The following DIP2C variants were observed in gnomAD, a reference collection of about 807,000 sequenced individuals.
DIP2C encodes the protein disco-interacting protein 2 homolog C.
Under a neutral mutation model 192.4 loss-of-function variants are expected in DIP2C, and 33 were observed. The ratio of observed to expected loss-of-function variants is 0.17; its 90% confidence interval spans 0.13 to 0.23. DIP2C has a LOEUF of 0.23. DIP2C is among the 10% of genes least tolerant of loss of function. The pLI, the probability that DIP2C is intolerant of heterozygous loss-of-function variation, is 1.00. For synonymous variants in DIP2C, 979 were observed against 864.1 expected, an observed-to-expected ratio of 1.13 and a Z score of -2.33; for missense variants, 1,537 against 2,110.1, an observed-to-expected ratio of 0.73 and a Z score of 5.32.
intron 32 of DIP2C, among the ~76,000 whole-genome samples, chr10:290,077 G>A (rs901973437): frequency 1.3e-5 from 2 of 152,338 alleles, no homozygotes; most frequent in Admixed American, 6.5e-5. Context: ...TCTCCTCTGC[G>A]GGAGAACAGA....
chr10:328,190 G>A (rs199726158), intron 30 of DIP2C, among the ~76,000 whole-genome samples: 4 of 152,304 alleles, frequency 2.6e-5, no homozygotes, highest in Admixed American at 6.5e-5. Flanking sequence ...GTACAGACAC[G>A]ACTGTACACA....
In DIP2C at chr10:288,718, AG is replaced by A. The variant is rs546451756; in HGVS notation, c.3987-298del. 2.4e-3 allele frequency among the ~76,000 whole-genome samples: 363 copies of A among 152,342 alleles called. 2 individuals carry two copies. Among genetic ancestry groups the A allele is most frequent in the African/African-American group, 8.3e-3 (345 of 41,576 alleles). ...CACTTAGCATTTTCAGAAAAGGAAA[AG>A]AACACGGATTACAGAGTTTCCTTGA... On this transcript the variant is annotated intron_variant, in intron 32 of 36. Coordinates refer to ENST00000280886, the MANE Select transcript of DIP2C (RefSeq NM_014974.3).
chr10:608,798 C>T (rs1204329383), intron 1 of DIP2C, among the ~76,000 whole-genome samples: 1 of 138,172 alleles, frequency 7.2e-6, no homozygotes, highest in African/African-American at 3.2e-5. Context: ...GGGGGATAAA[C>T]CTCTCCTCCA....
chr10:526,524 C>A (rs1182391951), intron 1 of DIP2C, among the ~76,000 whole-genome samples: 1 of 50,120 alleles, frequency 2.0e-5, no homozygotes, highest in African/African-American at 4.5e-5. Flanking sequence ...ACCAGCCCTA[C>A]CCCACCAAAA....
intron 31 of DIP2C, among the ~76,000 whole-genome samples, chr10:312,231 A>G (rs900901046): frequency 6.6e-6 from 1 of 152,170 alleles, no homozygotes; most frequent in Non-Finnish European, 1.5e-5. Flanking sequence ...CTCGTCATCC[A>G]TGGCTGTGGT....
chr10:399,129 C>T lies in DIP2C; in HGVS notation c.1240G>A (p.Glu414Lys). ...LLAEVVPVPI[E>K]VPLTRKDAGS... ...CTTACCTTCCTGGTGAGCGGCACCTCGATGGGCACGGGGACCACCTCGGCC... is the reference window on the plus strand; with the variant it reads ...CTTACCTTCCTGGTGAGCGGCACCTTGATGGGCACGGGGACCACCTCGGCC... Residue 414 changes from glutamate to lysine, a missense_variant, in exon 10 of 37, where the codon GAG becomes AAG. Coordinates refer to ENST00000280886, the MANE Select transcript of DIP2C (RefSeq NM_014974.3). The T allele has an allele frequency of 1.9e-6, 3 of 1,613,738 alleles. No homozygotes were observed. The highest frequency in any genetic ancestry group is 2.5e-6 in the Non-Finnish European group (3 of 1,179,988).
chr10:310,084 T>A lies in DIP2C; in HGVS notation c.3933A>T (p.Ser1311=). 1 of 1,614,216 alleles carries A rather than the reference T, an allele frequency of 6.2e-7. No individual in the cohort carries two copies. Among genetic ancestry groups the A allele is most frequent in the Non-Finnish European group, 8.5e-7 (1 of 1,180,016 alleles). ...CGTAGACAGTGGTTGGGTCAGGTCC[T>A]GAGGTTCCCTGCAAGCAACAACAGA... ...VNLAICLQGT[S]GPDPTTVYVD... Residue 1311 remains serine, a synonymous_variant, in exon 32 of 37, where the codon TCA becomes TCT. Coordinates refer to ENST00000280886, the MANE Select transcript of DIP2C (RefSeq NM_014974.3).
chr10:440,833 C>G (rs1428343978), intron 4 of DIP2C, 38 bp downstream of exon 4: 8 of 1,591,878 alleles, frequency 5.0e-6, no homozygotes, highest in Non-Finnish European at 6.8e-6. Flanking sequence ...AGGTGCCCGG[C>G]ACATTCAGGA....
chr10:576,890 C>A, intron 1 of DIP2C, among the ~76,000 whole-genome samples: 1 of 152,116 alleles, frequency 6.6e-6, no homozygotes, highest in East Asian at 1.9e-4. Flanking sequence ...ACCCTTCCAG[C>A]CTGGGTGACA....
At chr10:378,225 A>T (rs1961865539) in intron 17 of DIP2C, among the ~76,000 whole-genome samples, 2 of 152,244 alleles carry the variant, frequency 1.3e-5, no homozygotes, top group Admixed American at 1.3e-4. Flanking sequence ...AAGAGAAAAA[A>T]ATACTTTAAA....
chr10:327,398 T>A (rs1365392070), intron 30 of DIP2C, among the ~76,000 whole-genome samples: 1 of 152,116 alleles, frequency 6.6e-6, no homozygotes, highest in African/African-American at 2.4e-5. Flanking sequence ...TACAAACACG[T>A]CTCAAACAAC....
intron 17 of DIP2C, among the ~76,000 whole-genome samples, chr10:378,982 ACT>A (rs576618597): frequency 6.6e-6 from 1 of 152,126 alleles, no homozygotes; most frequent in South Asian, 2.1e-4. Context: ...GTTTTTAAAG[ACT>A]CTCAACCTCC....
At chr10:640,256 G>A (rs891405812) in intron 1 of DIP2C, among the ~76,000 whole-genome samples, 6 of 152,342 alleles carry the variant, frequency 3.9e-5, no homozygotes, top group South Asian at 2.1e-4. Context: ...CGGCCGCCCC[G>A]CCCACGGCCA....
At chr10:507,261 C>G (rs746531190) in intron 1 of DIP2C, among the ~76,000 whole-genome samples, 12 of 150,674 alleles carry the variant, frequency 8.0e-5, no homozygotes, top group Non-Finnish European at 1.6e-4. Flanking sequence ...CCTGGTCACC[C>G]GCTGTGTCCA....
At chr10:584,029 T>C (rs1347030608) in intron 1 of DIP2C, among the ~76,000 whole-genome samples, 1 of 152,172 alleles carries the variant, frequency 6.6e-6, no homozygotes, top group African/African-American at 2.4e-5. Flanking sequence ...CCTCTGTCCC[T>C]TGGTGTCTGT....
chr10:337,961 TGTGTGTGC>T (rs984415185), intron 29 of DIP2C, among the ~76,000 whole-genome samples: 4 of 148,528 alleles, frequency 2.7e-5, no homozygotes, highest in African/African-American at 7.5e-5. Flanking sequence ...CAGTCGTGTG[TGTGTGTGC>T]GTGTGTGTGT....
intron 2 of DIP2C, among the ~76,000 whole-genome samples, chr10:484,491 G>C (rs1410357755): frequency 6.6e-6 from 1 of 152,192 alleles, no homozygotes; most frequent in Non-Finnish European, 1.5e-5. Flanking sequence ...TTTATAATTT[G>C]TCACGCATTC....
At chr10:517,290 C>CT (rs1184230967) in intron 1 of DIP2C, among the ~76,000 whole-genome samples, 1 of 152,216 alleles carries the variant, frequency 6.6e-6, no homozygotes, top group Non-Finnish European at 1.5e-5. Context: ...CAAAAGCACA[C>CT]TTCCAGTTAA....
chr10:496,778 C>A (rs1010872659), intron 1 of DIP2C, among the ~76,000 whole-genome samples: 1 of 151,984 alleles, frequency 6.6e-6, no homozygotes, highest in African/African-American at 2.4e-5. Flanking sequence ...CGCAATACTC[C>A]AAACAATGTG....
Sources: gnomAD v4.1 joint callset for allele counts (sites outside exome capture counted in the v4.1 genomes callset) on GRCh38, gnomAD v4.1.1 for gene constraint, MANE v1.5 for transcripts, NCBI Gene and HGNC (gene_info 2026-07-23, HGNC 2026-07-21) for gene names.